MARCHF5: variants seen among roughly 807,000 people sequenced by gnomAD.
MARCHF5 encodes membrane associated ring-CH-type finger 5, also known as E3 ubiquitin-protein ligase MARCHF5.
In MARCHF5, 5 loss-of-function variants were observed where a neutral mutation model predicts 36.5. The observed-to-expected ratio is 0.14, with a 90% CI of 0.07 to 0.29. The LOEUF (loss-of-function observed/expected upper bound fraction) is 0.29. Ranked by LOEUF, MARCHF5 falls within the 10% of genes least tolerant of loss-of-function variation. The probability of loss-of-function intolerance (pLI) is 1.00; values close to 1 mark genes in which losing one functional copy is unlikely to be tolerated. For missense variants in MARCHF5, 179 were observed against 336.3 expected (o/e 0.53, Z 3.66); for synonymous variants, 103 against 109.9 (o/e 0.94, Z 0.39).
At chr10:92,310,272 A>G (rs1843128104) in intron 1 of MARCHF5, among the ~76,000 whole-genome samples, 1 of 152,120 alleles carries the variant, frequency 6.6e-6, no homozygotes, top group Non-Finnish European at 1.5e-5. Flanking sequence ...GTTCTAATGG[A>G]GGGGAGGAGC....
chr10:92,350,462 C>G (rs1843703295), intron 5 of MARCHF5, among the ~76,000 whole-genome samples: 1 of 152,158 alleles, frequency 6.6e-6, no homozygotes, highest in Non-Finnish European at 1.5e-5. Context: ...ACACAGCCCT[C>G]TGTATTTATT....
intron 2 of MARCHF5, among the ~76,000 whole-genome samples, chr10:92,319,398 C>CAG (rs1355132610): frequency 1.3e-5 from 2 of 150,536 alleles, no homozygotes; most frequent in African/African-American, 4.9e-5. Context: ...CGGGTTCACG[C>CAG]CATTCTCCTG....
chr10:92,292,226 C>T (rs1345130100), intron 1 of MARCHF5, among the ~76,000 whole-genome samples: 3 of 152,006 alleles, frequency 2.0e-5, no homozygotes, highest in African/African-American at 2.4e-5. Flanking sequence ...TTGGGGGGCC[C>T]CAGTCGGTAA....
intron 1 of MARCHF5, chr10:92,308,372 T>G (rs1464537365): frequency 5.3e-5 from 8 of 152,256 alleles, no homozygotes; most frequent in African/African-American, 1.9e-4. Context: ...TTGGTTATGG[T>G]GGGTTTTAGC....
At chr10:92,306,201 T>C (rs1327576598) in intron 1 of MARCHF5, among the ~76,000 whole-genome samples, 1 of 152,222 alleles carries the variant, frequency 6.6e-6, no homozygotes, top group African/African-American at 2.4e-5. Context: ...TTGGTGGCTC[T>C]CCTGTCAGCA....
intron 3 of MARCHF5, among the ~76,000 whole-genome samples, chr10:92,343,539 T>G (rs1405949962): frequency 6.6e-6 from 1 of 152,192 alleles, no homozygotes; most frequent in African/African-American, 2.4e-5. Context: ...ACTAACACAT[T>G]AAAGGGTTTC....
intron 2 of MARCHF5, among the ~76,000 whole-genome samples, chr10:92,331,909 GTATA>G (rs1239134550): frequency 7.0e-6 from 1 of 143,870 alleles, no homozygotes; most frequent in Non-Finnish European, 1.5e-5. Flanking sequence ...TCATATATAT[GTATA>G]TATAATCATA....
chr10:92,296,730 G>T (rs1184825436), intron 1 of MARCHF5, among the ~76,000 whole-genome samples: 1 of 152,160 alleles, frequency 6.6e-6, no homozygotes, highest in East Asian at 1.9e-4. Context: ...AGAATGGTCA[G>T]ATGGCAGAAA....
intron 2 of MARCHF5, among the ~76,000 whole-genome samples, chr10:92,330,225 T>C (rs1843420432): frequency 6.6e-6 from 1 of 152,218 alleles, no homozygotes; most frequent in Non-Finnish European, 1.5e-5. Flanking sequence ...AGAGTTCCTT[T>C]TGTTTACTGC....
intron 3 of MARCHF5, among the ~76,000 whole-genome samples, chr10:92,345,399 G>A (rs530590634): frequency 2.5e-4 from 38 of 152,174 alleles, no homozygotes; most frequent in African/African-American, 8.9e-4. Flanking sequence ...CAGCTACTCC[G>A]GATGCTGAGG....
chr10:92,338,726 C>A (rs1165210961), intron 2 of MARCHF5, among the ~76,000 whole-genome samples: 3 of 152,108 alleles, frequency 2.0e-5, no homozygotes, highest in Non-Finnish European at 4.4e-5. Context: ...ATCAGAGGCT[C>A]CATAGATGGA....
intron 3 of MARCHF5, among the ~76,000 whole-genome samples, chr10:92,347,600 G>A (rs1002592600): frequency 7.2e-5 from 11 of 152,054 alleles, no homozygotes; most frequent in Non-Finnish European, 1.6e-4. Flanking sequence ...AAACAGTCAT[G>A]GCCAGCTAAC....
chr10:92,307,569 A>T (rs568706471), intron 1 of MARCHF5, among the ~76,000 whole-genome samples: 4 of 151,566 alleles, frequency 2.6e-5, no homozygotes, highest in Admixed American at 6.6e-5. Context: ...CTAAAAAAAA[A>T]ATTTTTTTTT....
At chr10:92,294,652 C>G (rs1842927945) in intron 1 of MARCHF5, among the ~76,000 whole-genome samples, 1 of 152,150 alleles carries the variant, frequency 6.6e-6, no homozygotes, top group African/African-American at 2.4e-5. Flanking sequence ...GATAACTGTT[C>G]ATTTGTTTAT....
At chr10:92,327,861 A>G (rs1843385484) in intron 2 of MARCHF5, among the ~76,000 whole-genome samples, 1 of 152,146 alleles carries the variant, frequency 6.6e-6, no homozygotes, top group Non-Finnish European at 1.5e-5. Context: ...AAAAGCTAGC[A>G]TAAAAGGGAA....
chr10:92,300,137 G>GT (rs1842995455), intron 1 of MARCHF5, among the ~76,000 whole-genome samples: 1 of 150,770 alleles, frequency 6.6e-6, no homozygotes, highest in East Asian at 1.9e-4. Context: ...CTCCAGCCTG[G>GT]GTATAACAAA....
chr10:92,341,006 G>A (rs958101072), intron 3 of MARCHF5, among the ~76,000 whole-genome samples: 2 of 152,116 alleles, frequency 1.3e-5, no homozygotes, highest in Non-Finnish European at 2.9e-5. Flanking sequence ...GAATCTTAGA[G>A]ATCATTTCAT....
intron 1 of MARCHF5, among the ~76,000 whole-genome samples, chr10:92,302,780 C>T (rs1469192492): frequency 6.6e-6 from 1 of 152,168 alleles, no homozygotes; most frequent in Non-Finnish European, 1.5e-5. Context: ...ATAGAGCCCT[C>T]CTTACATTAA....
Position 92,311,073 on chromosome 10 carries a change from A to G in MARCHF5, c.36-62A>G, listed in dbSNP as rs1029981301. 3 of 1,191,856 alleles carry G rather than the reference A, an allele frequency of 2.5e-6. 1 individual carries two copies. In the South Asian group the frequency reaches 3.9e-5, roughly 15 times the overall value. 73.8% of individuals were successfully genotyped at this position (1,191,856 alleles called of 1,614,324 possible). ...GCTCATCCCATTAAGTAAGAGCTGC[A>G]GTATAGAGGAGGCTGGAGTCCTAAA... On this transcript the variant is annotated intron_variant, in intron 1 of 5. Transcript: ENST00000358935.
Sources: allele counts gnomAD v4.1 joint callset (sites outside exome capture counted in the v4.1 genomes callset), GRCh38; gene constraint gnomAD v4.1.1; transcripts MANE v1.5; gene names NCBI Gene and HGNC (gene_info 2026-07-23, HGNC 2026-07-21).